Variants in EIF4G3 observed in about 807,000 individuals in gnomAD.
The protein encoded by EIF4G3 is eIF-4-gamma 3.
Under a neutral mutation model 186.4 loss-of-function variants are expected in EIF4G3, and 34 were observed. The ratio of observed to expected loss-of-function variants is 0.18; its 90% confidence interval spans 0.14 to 0.24. The LOEUF is 0.24. Among genes scored for constraint, EIF4G3 ranks in the 10% least tolerant of loss-of-function variants. The pLI is 1.00. For synonymous variants in EIF4G3, 673 were observed against 679.5 expected (o/e 0.99, Z 0.15); for missense variants, 1,536 against 1,948.5 (o/e 0.79, Z 3.99).
Position 21,158,526 on chromosome 1 carries a change from T to G in EIF4G3, c.-272+17649A>C, listed in dbSNP as rs185167457. Among the ~76,000 whole-genome samples, 122 of 152,270 alleles carry G rather than the reference T, an allele frequency of 8.0e-4. 1 individual carries two copies. The South Asian group carries it at 0.012, about 15-fold the overall frequency. On this transcript the variant is annotated intron_variant, in intron 2 of 36. Transcript: ENST00000602326. ...GGTTATTTTTAAAGTGCTTATGAACTGTAACTTATGATAACCAAATACTTA... is the reference window on the plus strand; with the variant it reads ...GGTTATTTTTAAAGTGCTTATGAACGGTAACTTATGATAACCAAATACTTA...
chr1:20,873,552 C>T (rs1357537002), intron 20 of EIF4G3, among the ~76,000 whole-genome samples: 1 of 151,946 alleles, frequency 6.6e-6, no homozygotes, highest in Non-Finnish European at 1.5e-5. Flanking sequence ...ACATCTTCAA[C>T]ATTATTGCCC....
At chr1:20,958,405 GTAA>G (rs2154564340) in intron 12 of EIF4G3, among the ~76,000 whole-genome samples, 1 of 152,084 alleles carries the variant, frequency 6.6e-6, no homozygotes, top group South Asian at 2.1e-4. Context: ...CCTCAAAATA[GTAA>G]AATCCATATA....
intron 14 of EIF4G3, among the ~76,000 whole-genome samples, chr1:20,915,398 A>G (rs1038888653): frequency 4.6e-5 from 7 of 152,154 alleles, no homozygotes; most frequent in African/African-American, 1.7e-4. Flanking sequence ...ATACCTAAAC[A>G]TGACAATCAC....
chr1:21,114,707 C>T (rs1364118568), intron 2 of EIF4G3, among the ~76,000 whole-genome samples: 1 of 150,368 alleles, frequency 6.7e-6, no homozygotes, highest in South Asian at 2.1e-4. Flanking sequence ...CGAAGGCCAA[C>T]ACTTAATAAA....
chr1:21,045,265 C>T (rs1295596799), intron 4 of EIF4G3, among the ~76,000 whole-genome samples: 4 of 152,144 alleles, frequency 2.6e-5, no homozygotes, highest in Admixed American at 6.5e-5. Flanking sequence ...GGTGTTGGGA[C>T]CATTCATCAT....
intron 7 of EIF4G3, among the ~76,000 whole-genome samples, chr1:20,990,013 C>T (rs2080715242): frequency 6.6e-6 from 1 of 151,998 alleles, no homozygotes; most frequent in African/African-American, 2.4e-5. Context: ...CTCAGCTGTA[C>T]TAAAAATACA....
At chr1:20,946,852 A>G (rs1282700139) in intron 13 of EIF4G3, among the ~76,000 whole-genome samples, 2 of 152,070 alleles carry the variant, frequency 1.3e-5, no homozygotes, top group Non-Finnish European at 2.9e-5. Context: ...ACTTAAGTCA[A>G]TCAAGCAGGA....
intron 12 of EIF4G3, among the ~76,000 whole-genome samples, chr1:20,963,238 AT>A (rs1236574569): frequency 1.3e-5 from 2 of 152,040 alleles, no homozygotes; most frequent in Non-Finnish European, 2.9e-5. Context: ...ACATACCTAA[AT>A]TTTTCTTTTT....
rs1252827394 is a variant in EIF4G3 at position 21,001,285 on chromosome 1, T to C, written c.58A>G (p.Thr20Ala). 4.2e-6 allele frequency: 2 copies of C among 471,238 alleles called. No homozygotes were observed. Among genetic ancestry groups the C allele is most frequent in the East Asian group, 6.9e-5 (1 of 14,418 alleles). 29.2% of individuals were successfully genotyped at this position (471,238 alleles called of 1,614,324 possible). ...ACCTTCCTCCTCTTCCAGTTGTCTG[T>C]GCAATGTATTGGCACTGTTCTGCTG... Reference protein sequence around the residue: ...PPSRTVPIHCTDNWKRRKVLE... With the variant: ...PPSRTVPIHCADNWKRRKVLE... The change falls in exon 6 of 37, where the codon ACA becomes GCA. Residue 20 changes from threonine to alanine, a missense_variant. By Grantham distance (58) the Thr-to-Ala change is moderately conservative. Coordinates refer to ENST00000602326, the MANE Select transcript of EIF4G3 (RefSeq NM_001391906.1).
intron 4 of EIF4G3, among the ~76,000 whole-genome samples, chr1:21,021,700 C>T (rs1212876216): frequency 2.6e-5 from 4 of 152,058 alleles, no homozygotes; most frequent in Non-Finnish European, 4.4e-5. Context: ...GGACTACAGG[C>T]GCGCAGCACA....
chr1:20,840,993 C>T lies in EIF4G3; in HGVS notation c.3924G>A (p.Gln1308=), dbSNP rs1420537544. Residue 1308 remains glutamine, a synonymous_variant, in exon 30 of 37, where the codon CAG becomes CAA. Transcript: ENST00000602326. ...AMQCVEELNA[Q]GLLHVFVRVG... is the part of the protein sequence containing the mutation. ...CTCTCACAAAAACATGTAGTAGGCC[C>T]TGGGCATTCAGCTCTTCCACACACT... 1 of 1,614,060 alleles carries T rather than the reference C, an allele frequency of 6.2e-7. No homozygotes were observed. Among genetic ancestry groups the T allele is most frequent in the African/African-American group, 1.3e-5 (1 of 74,930 alleles).
intron 4 of EIF4G3, among the ~76,000 whole-genome samples, chr1:21,016,291 C>T (rs1264138434): frequency 1.3e-5 from 2 of 152,070 alleles, no homozygotes; most frequent in South Asian, 2.1e-4. Context: ...CTGTAGACTA[C>T]ACATAAAATG....
At chr1:21,125,540 G>A (rs1296757396) in intron 2 of EIF4G3, among the ~76,000 whole-genome samples, 1 of 151,380 alleles carries the variant, frequency 6.6e-6, no homozygotes, top group Non-Finnish European at 1.5e-5. Flanking sequence ...CCAACACGGT[G>A]AAACCCTGTC....
chr1:21,136,526 A>C (rs889622253), intron 2 of EIF4G3, among the ~76,000 whole-genome samples: 1 of 152,114 alleles, frequency 6.6e-6, no homozygotes, highest in Non-Finnish European at 1.5e-5. Flanking sequence ...CAAAAAAAAA[A>C]CAAAAACAAA....
At chr1:20,905,965 C>T (rs1258763513) in intron 14 of EIF4G3, among the ~76,000 whole-genome samples, 2 of 152,112 alleles carry the variant, frequency 1.3e-5, no homozygotes, top group Non-Finnish European at 2.9e-5. Flanking sequence ...GACAGTAGAA[C>T]GTGCACACAC....
chr1:20,904,950 G>C lies in EIF4G3; in HGVS notation c.1685C>G (p.Pro562Arg), dbSNP rs939140573. 6 of 1,613,658 alleles carry C rather than the reference G, an allele frequency of 3.7e-6. No homozygotes were observed. Among genetic ancestry groups the C allele is most frequent in the East Asian group, 2.2e-5 (1 of 44,852 alleles). The change falls in exon 15 of 37, where the codon CCA becomes CGA. Residue 562 changes from proline to arginine, a missense_variant. Physicochemically the swap from Pro to Arg is moderately radical, Grantham distance 103 (BLOSUM62 -2). This residue lies in a region of EIF4G3 where 560 missense variants were observed against 547.8 expected (regional missense o/e 1.02). Coordinates refer to ENST00000602326, the MANE Select transcript of EIF4G3 (RefSeq NM_001391906.1). ...PVPAQIAITV[P>R]KTWKKPKDRT... ...ATCTTTTGGTTTCTTCCATGTCTTT[G>C]GTACAGTTATAGCTATTTGAGCTGA...
At chr1:20,874,318 C>G (rs2080132996) in intron 20 of EIF4G3, among the ~76,000 whole-genome samples, 1 of 152,172 alleles carries the variant, frequency 6.6e-6, no homozygotes, top group Non-Finnish European at 1.5e-5. Flanking sequence ...TTCTGTTTCT[C>G]CACAGCCTTG....
At chr1:21,144,375 C>A (rs1418523480) in intron 2 of EIF4G3, among the ~76,000 whole-genome samples, 4 of 152,028 alleles carry the variant, frequency 2.6e-5, no homozygotes, top group Non-Finnish European at 5.9e-5. Flanking sequence ...CACCTCAGCT[C>A]TTTGAGCAGC....
chr1:21,140,802 A>C (rs560294945), intron 2 of EIF4G3, among the ~76,000 whole-genome samples: 20 of 152,346 alleles, frequency 1.3e-4, no homozygotes, highest in African/African-American at 4.8e-4. Context: ...CTATTTTATA[A>C]ACACTTTGAA....
Sources: gnomAD v4.1 joint callset for allele counts (sites outside exome capture counted in the v4.1 genomes callset) on GRCh38, gnomAD v4.1.1 for gene constraint, gnomAD v4.1.1 regional missense constraint, MANE v1.5 for transcripts, NCBI Gene and HGNC (gene_info 2026-07-23, HGNC 2026-07-21) for gene names.